RYR3: variants seen among roughly 807,000 people sequenced by gnomAD.
RYR3 encodes ryanodine receptor 3, also known as brain ryanodine receptor-calcium release channel.
RYR3 carries 207 observed loss-of-function variants against 584.3 expected under a neutral mutation model. The ratio of observed to expected loss-of-function variants is 0.35; its 90% confidence interval spans 0.32 to 0.40. The LOEUF (loss-of-function observed/expected upper bound fraction) is 0.40, where lower values mean the gene tolerates loss of function less well. Among genes scored for constraint, RYR3 ranks in the 10% least tolerant of loss-of-function variants. The pLI is 1.00. For missense variants in RYR3, 5,616 were observed against 6,089.2 expected (o/e 0.92, Z 2.59); for synonymous variants, 2,416 against 2,248.5 (o/e 1.07, Z -2.11).
chr15:33,445,664 AACACACACACACACACACACACAC>A (rs61585713), intron 1 of RYR3, among the ~76,000 whole-genome samples: 10 of 106,038 alleles, frequency 9.4e-5, no homozygotes, highest in Non-Finnish European at 1.3e-4. Flanking sequence ...TTCCCCCACC[AACACACACACACACACACACACAC>A]ACACACACAC....
At chr15:33,415,823 T>C (rs2043768294) in intron 1 of RYR3, among the ~76,000 whole-genome samples, 1 of 152,216 alleles carries the variant, frequency 6.6e-6, no homozygotes, top group South Asian at 2.1e-4. Flanking sequence ...GTGAACATAG[T>C]GCCCAATAGG....
At chr15:33,750,351 G>T in intron 57 of RYR3, 65 bp downstream of exon 57, 1 of 1,546,290 alleles carries the variant, frequency 6.5e-7, no homozygotes, top group Non-Finnish European at 8.8e-7. Context: ...TTAATTACGT[G>T]CCTACAAAAC....
intron 1 of RYR3, among the ~76,000 whole-genome samples, chr15:33,472,688 A>G (rs1389353289): frequency 8.2e-6 from 1 of 121,582 alleles, no homozygotes; most frequent in Non-Finnish European, 1.8e-5. Context: ...GTGTAGATGG[A>G]GGGCTGCCTC....
chr15:33,747,283 G>C (rs959762719), intron 53 of RYR3, among the ~76,000 whole-genome samples: 1 of 151,840 alleles, frequency 6.6e-6, no homozygotes, highest in Non-Finnish European at 1.5e-5. Context: ...TAAGCTTTAG[G>C]CCTAGGCCTA....
chr15:33,317,068 CAG>C (rs1222520340), intron 1 of RYR3, among the ~76,000 whole-genome samples: 3 of 152,240 alleles, frequency 2.0e-5, no homozygotes, highest in Non-Finnish European at 2.9e-5. Flanking sequence ...ACAGAACATT[CAG>C]AGTTATTTTT....
intron 70 of RYR3, among the ~76,000 whole-genome samples, chr15:33,809,053 C>T (rs2076365399): frequency 6.6e-6 from 1 of 152,178 alleles, no homozygotes; most frequent in South Asian, 2.1e-4. Flanking sequence ...TTAAGAGTGT[C>T]CATTAATAAT....
chr15:33,774,101 A>G (rs980217359), intron 64 of RYR3, among the ~76,000 whole-genome samples: 1 of 152,226 alleles, frequency 6.6e-6, no homozygotes, highest in African/African-American at 2.4e-5. Context: ...TGGTATTAGC[A>G]ATGCTAGTCA....
chr15:33,838,758 A>G lies in RYR3; in HGVS notation c.12778A>G (p.Ile4260Val), dbSNP rs372580668. The change falls in exon 89 of 104, where the codon ATC becomes GTC. Residue 4260 changes from isoleucine to valine, a missense_variant. Transcript: ENST00000634891. ...GAGGGCAGAGGTGATGGAGCCAGGTATCACCACTGAACTAGTACACTTCAT... is the reference window on the plus strand; with the variant it reads ...GAGGGCAGAGGTGATGGAGCCAGGTGTCACCACTGAACTAGTACACTTCAT... ...AERAEVMEPG[I>V]TTELVHFIKG... 4.0e-5 allele frequency: 65 copies of G among 1,613,846 alleles called. No homozygotes were observed. The African/African-American group carries it at 6.7e-4, about 17-fold the overall frequency.
chr15:33,475,199 T>C (rs1263764268), intron 2 of RYR3, among the ~76,000 whole-genome samples: 2 of 152,192 alleles, frequency 1.3e-5, no homozygotes, highest in East Asian at 3.9e-4. Flanking sequence ...AATTTTCTCA[T>C]CTGCCAAATG....
chr15:33,565,482 T>C (rs1329148140), intron 11 of RYR3, among the ~76,000 whole-genome samples: 1 of 152,130 alleles, frequency 6.6e-6, no homozygotes. Flanking sequence ...ACCTTCAAAA[T>C]AATAAAAAGG....
chr15:33,663,103 G>A (rs1225674608), intron 35 of RYR3, among the ~76,000 whole-genome samples, 155 bp downstream of exon 35: 2 of 152,152 alleles, frequency 1.3e-5, no homozygotes, highest in East Asian at 1.9e-4. Context: ...GCTTGTTGTT[G>A]AATAAGTTCT....
intron 1 of RYR3, among the ~76,000 whole-genome samples, chr15:33,413,726 G>T (rs574929595): frequency 6.6e-6 from 1 of 152,080 alleles, no homozygotes; most frequent in African/African-American, 2.4e-5. Context: ...GTTCCCCCCC[G>T]CTCAGCTCTG....
intron 72 of RYR3, among the ~76,000 whole-genome samples, chr15:33,812,073 G>A (rs1015782278): frequency 1.3e-4 from 20 of 152,228 alleles, no homozygotes; most frequent in African/African-American, 4.6e-4. Context: ...TCATTGTAAA[G>A]GAAGAGGAGT....
intron 1 of RYR3, among the ~76,000 whole-genome samples, chr15:33,402,615 C>T (rs1455695803): frequency 6.6e-5 from 10 of 152,216 alleles, no homozygotes; most frequent in Non-Finnish European, 2.9e-5. Flanking sequence ...CTAGGCTGAA[C>T]TTCACATATT....
At chr15:33,384,451 AATTATAATATTAT>A (rs2041425233) in intron 1 of RYR3, among the ~76,000 whole-genome samples, 1 of 143,580 alleles carries the variant, frequency 7.0e-6, no homozygotes, top group Non-Finnish European at 1.5e-5. Flanking sequence ...TAATTAATAT[AATTATAATATTAT>A]ATTATAATAT....
At position 33,336,476 on chromosome 15, in the gene RYR3, GAGAGAGAGAGAA is replaced by G. The variant is rs1409804718; in HGVS notation, c.51+25384_51+25395del. On this transcript the variant is annotated intron_variant, in intron 1 of 103. Coordinates refer to ENST00000634891, the MANE Select transcript of RYR3 (RefSeq NM_001036.6). Reference sequence around the variant, plus strand: ...AGAGAGAGAGAGAGAGAGAGAGAGAGAGAGAGAGAGAAAGAAAGAAAGAAAGAAGGAGGGAAG... The same window carrying G: ...AGAGAGAGAGAGAGAGAGAGAGAGAGAGAAAGAAAGAAAGAAGGAGGGAAG... 1.1e-3 allele frequency among the ~76,000 whole-genome samples: 22 copies of G among 19,902 alleles called. 7 individuals are homozygous for G. Among genetic ancestry groups the G allele is most frequent in the African/African-American group, 7.6e-3 (12 of 1,576 alleles). 13.1% of individuals were successfully genotyped at this position (19,902 alleles called of 152,430 possible). A position where few individuals can be genotyped will look rare whatever the true frequency, so the allele number is the denominator to read the frequency against.
chr15:33,780,401 C>T lies in RYR3; in HGVS notation c.9268+60C>T, dbSNP rs565305306. 1.9e-6 allele frequency: 3 copies of T among 1,574,838 alleles called. No homozygotes were observed. In the African/African-American group the frequency reaches 4.0e-5, roughly 21 times the overall value. On this transcript the variant is annotated intron_variant, in intron 65 of 103. Coordinates refer to ENST00000634891, the MANE Select transcript of RYR3 (RefSeq NM_001036.6). ...TCATGTGCTGAGAGGAGAGGAGCCACACAGGCAGGGAGCAGCAGCCCTGCA... is the reference window on the plus strand; with the variant it reads ...TCATGTGCTGAGAGGAGAGGAGCCATACAGGCAGGGAGCAGCAGCCCTGCA...
At chr15:33,452,465 A>T (rs2047208935) in intron 1 of RYR3, among the ~76,000 whole-genome samples, 3 of 152,218 alleles carry the variant, frequency 2.0e-5, no homozygotes, top group Admixed American at 6.5e-5. Context: ...TGTCTATGAA[A>T]ATCAGACTAC....
intron 2 of RYR3, among the ~76,000 whole-genome samples, chr15:33,483,860 C>T (rs1021336949): frequency 6.6e-6 from 1 of 152,156 alleles, no homozygotes; most frequent in African/African-American, 2.4e-5. Flanking sequence ...ACTCAGGTCT[C>T]TTACTTCCTA....
Sources: allele counts gnomAD v4.1 joint callset (sites outside exome capture counted in the v4.1 genomes callset), GRCh38; gene constraint gnomAD v4.1.1; transcripts MANE v1.5; gene names NCBI Gene and HGNC (gene_info 2026-07-23, HGNC 2026-07-21).